The following NTM variants were observed in gnomAD, a reference collection of about 807,000 sequenced individuals.
NTM encodes neurotrimin.
A neutral mutation model predicts 42.1 loss-of-function variants in NTM; 13 were observed. That is an observed-to-expected ratio of 0.31 (90% confidence interval 0.20 to 0.49). The LOEUF is 0.49. NTM is among the 20% of genes least tolerant of loss of function. NTM has a pLI of 0.99. For synonymous variants in NTM, 187 were observed against 179.2 expected, an observed-to-expected ratio of 1.04 and a Z score of -0.35; for missense variants, 373 against 452.8, an observed-to-expected ratio of 0.82 and a Z score of 1.60.
At chr11:131,387,379 C>T (rs1943459098) in intron 1 of NTM, among the ~76,000 whole-genome samples, 2 of 152,168 alleles carry the variant, frequency 1.3e-5, no homozygotes, top group African/African-American at 4.8e-5. Flanking sequence ...CCCCACCAAA[C>T]ACTGAACACT....
At chr11:131,777,548 T>C (rs764863070) in intron 1 of NTM, among the ~76,000 whole-genome samples, 1 of 149,770 alleles carries the variant, frequency 6.7e-6, no homozygotes, top group Non-Finnish European at 1.5e-5. Flanking sequence ...CTGCTCTCCA[T>C]GGCATGCTTT....
At chr11:131,939,650 T>C (rs2059590359) in intron 2 of NTM, among the ~76,000 whole-genome samples, 1 of 152,162 alleles carries the variant, frequency 6.6e-6, no homozygotes, top group South Asian at 2.1e-4. Context: ...TGTTGCTTGT[T>C]TTGTAAATCT....
At chr11:131,398,220 G>C (rs983095830) in intron 1 of NTM, among the ~76,000 whole-genome samples, 2 of 152,116 alleles carry the variant, frequency 1.3e-5, no homozygotes, top group African/African-American at 4.8e-5. Flanking sequence ...CTTCATGACT[G>C]CAGTTGGATT....
intron 8 of NTM, among the ~76,000 whole-genome samples, chr11:132,330,952 C>T (rs1295995776): frequency 1.3e-5 from 2 of 152,206 alleles, no homozygotes; most frequent in African/African-American, 4.8e-5. Context: ...GTGCTGTGGT[C>T]CACGCCCACC....
chr11:131,877,832 G>C (rs2048761295), intron 1 of NTM: 3 of 152,158 alleles, frequency 2.0e-5, no homozygotes, highest in Non-Finnish European at 4.4e-5. Context: ...TTGGAGTCAG[G>C]GGCTCAGAGT....
At chr11:132,134,428 T>C (rs974830795) in intron 2 of NTM, among the ~76,000 whole-genome samples, 5 of 151,892 alleles carry the variant, frequency 3.3e-5, no homozygotes, top group African/African-American at 9.7e-5. Context: ...GCACCTTCAC[T>C]CGAGCAGTGT....
At chr11:132,215,713 G>A (rs2083710347) in intron 4 of NTM, among the ~76,000 whole-genome samples, 1 of 152,194 alleles carries the variant, frequency 6.6e-6, no homozygotes, top group Non-Finnish European at 1.5e-5. Context: ...TGCCTTTGTA[G>A]TTCCCTTCAG....
intron 1 of NTM, among the ~76,000 whole-genome samples, chr11:131,867,604 G>A: frequency 6.6e-6 from 1 of 152,016 alleles, no homozygotes; most frequent in East Asian, 1.9e-4. Context: ...ACATACCTGT[G>A]TGTGTATGTA....
chr11:132,094,569 G>C (rs1342529217), intron 2 of NTM, among the ~76,000 whole-genome samples: 4 of 152,208 alleles, frequency 2.6e-5, no homozygotes, highest in African/African-American at 9.7e-5. Flanking sequence ...TGAAGGATGA[G>C]ATGACTGAAA....
intron 1 of NTM, among the ~76,000 whole-genome samples, chr11:131,785,543 G>A (rs1190237842): frequency 4.6e-5 from 7 of 152,294 alleles, no homozygotes; most frequent in Non-Finnish European, 1.5e-5. Context: ...TTTTCTGAAA[G>A]AAAATATGTT....
At chr11:131,776,429 G>A (rs1042692934) in intron 1 of NTM, among the ~76,000 whole-genome samples, 1 of 152,172 alleles carries the variant, frequency 6.6e-6, no homozygotes, top group Non-Finnish European at 1.5e-5. Context: ...GAGAAGCACG[G>A]GCTCAGTAGG....
At chr11:131,755,322 T>A (rs1384477980) in intron 1 of NTM, among the ~76,000 whole-genome samples, 1 of 152,134 alleles carries the variant, frequency 6.6e-6, no homozygotes, top group Non-Finnish European at 1.5e-5. Flanking sequence ...GGAATCCCAA[T>A]GACCCTGGGG....
At chr11:131,947,405 C>CG (rs1460113111) in intron 2 of NTM, among the ~76,000 whole-genome samples, 10 of 152,084 alleles carry the variant, frequency 6.6e-5, no homozygotes, top group African/African-American at 2.2e-4. Flanking sequence ...TCTAATTGTC[C>CG]GGGAGTTCTG....
chr11:132,275,444 A>G (rs1198559127), intron 4 of NTM, among the ~76,000 whole-genome samples: 1 of 151,984 alleles, frequency 6.6e-6, no homozygotes, highest in Non-Finnish European at 1.5e-5. Context: ...GTAACTTTCT[A>G]GTAAGGACTT....
intron 2 of NTM, among the ~76,000 whole-genome samples, chr11:131,915,725 C>T (rs1463751467): frequency 3.9e-5 from 6 of 152,046 alleles, no homozygotes; most frequent in Non-Finnish European, 8.8e-5. Flanking sequence ...TGGCAGAAGG[C>T]AAAAGGCACA....
chr11:132,288,739 C>T (rs1169603700), intron 4 of NTM, among the ~76,000 whole-genome samples: 5 of 152,148 alleles, frequency 3.3e-5, no homozygotes, highest in African/African-American at 4.8e-5. Flanking sequence ...CCTGCCTCAG[C>T]CTCCTGAGTA....
At chr11:131,386,228 A>T (rs1943300146) in intron 1 of NTM, among the ~76,000 whole-genome samples, 1 of 152,202 alleles carries the variant, frequency 6.6e-6, no homozygotes, top group Non-Finnish European at 1.5e-5. Flanking sequence ...CAAAGGACCG[A>T]TAAGGTATGA....
rs189641698 is a variant in NTM, at chr11:131,473,156, C to T, written c.82+102268C>T. Among the ~76,000 whole-genome samples, 69 of 152,242 alleles carry T rather than the reference C, an allele frequency of 4.5e-4. 1 individual carries two copies. Among genetic ancestry groups the T allele is most frequent in the African/African-American group, 1.5e-3 (64 of 41,556 alleles). On this transcript the variant is annotated intron_variant, in intron 1 of 8. Transcript: ENST00000683400. ...TAACTGGACTTCAAACACATCCCAC[C>T]AGGCCCTTGAACAGTGAGCCTCTCA... is the stretch of plus-strand genomic sequence containing the variant.
intron 2 of NTM, among the ~76,000 whole-genome samples, chr11:132,057,543 C>T (rs745863407): frequency 6.6e-6 from 1 of 152,108 alleles, no homozygotes; most frequent in African/African-American, 2.4e-5. Context: ...ACCACGAGTC[C>T]CCTTTCGCCA....
Sources: gnomAD v4.1 joint callset for allele counts (sites outside exome capture counted in the v4.1 genomes callset) on GRCh38, gnomAD v4.1.1 for gene constraint, MANE v1.5 for transcripts, NCBI Gene and HGNC (gene_info 2026-07-23, HGNC 2026-07-21) for gene names.